The following GPHN variants were observed in gnomAD, a reference collection of about 807,000 sequenced individuals.
GPHN encodes the protein gephyrin.
GPHN carries 17 observed loss-of-function variants against 95.5 expected under a neutral mutation model. The ratio of observed to expected loss-of-function variants is 0.18; its 90% CI spans 0.12 to 0.27. The LOEUF is 0.27. Ranked by LOEUF, GPHN falls within the 10% of genes least tolerant of loss-of-function variation. The pLI, the probability that GPHN is intolerant of heterozygous loss-of-function variation, is 1.00. For missense variants in GPHN, 660 were observed against 978.1 expected, an observed-to-expected ratio of 0.67 and a Z score of 4.34; for synonymous variants, 320 against 322.5, an observed-to-expected ratio of 0.99 and a Z score of 0.08.
In GPHN at chr14:66,599,392, A is replaced by ATTTCTTTTT. The variant is rs1555357374; in HGVS notation, c.65-81712_65-81711insCTTTTTTTT. Among the ~76,000 whole-genome samples, 452 of 76,424 alleles carry ATTTCTTTTT rather than the reference A, an allele frequency of 5.9e-3. 12 individuals carry two copies. Among genetic ancestry groups the ATTTCTTTTT allele is most frequent in the African/African-American group, 0.031 (425 of 13,858 alleles). The allele number at this position is 76,424 out of a possible 152,430, so 50.1% of individuals were successfully genotyped here. A position where few individuals can be genotyped will look rare whatever the true frequency, so the allele number is the denominator to read the frequency against. ...TCTCTGATTTTACATTTTTTTTTGC[A>ATTTCTTTTT]TTTTTTTTTTTTTTTTGCTAGATGC... On this transcript the variant is annotated intron_variant, in intron 1 of 22. Transcript: ENST00000478722.
chr14:67,687,355 A>G, the GPHN span, among the ~76,000 whole-genome samples: 1 of 150,262 alleles, frequency 6.7e-6, no homozygotes, highest in Non-Finnish European at 1.5e-5. Flanking sequence ...GATCTTTATT[A>G]CTCTTGCTTT....
At chr14:67,203,113 C>T in the GPHN span, 3 of 1,613,268 alleles carry the variant, frequency 1.9e-6, no homozygotes, top group African/African-American at 2.7e-5. Flanking sequence ...AGAGGTGAAT[C>T]CATTTACCTT....
chr14:67,414,023 AGGACTTGAGAGGTTGAGCTG>A, the GPHN span, among the ~76,000 whole-genome samples: 5 of 152,252 alleles, frequency 3.3e-5, no homozygotes, highest in African/African-American at 1.2e-4. Context: ...GCTGAAAGCC[AGGACTTGAGAGGTTGAGCTG>A]GGAAGTTCTC....
At chr14:67,380,591 G>T in the GPHN span, 1 of 793,162 alleles carries the variant, frequency 1.3e-6, no homozygotes, top group Non-Finnish European at 1.9e-6. Context: ...TTGTTCCATA[G>T]TGTTTGGTTT....
chr14:66,940,482 TA>T (rs1306183534), intron 8 of GPHN, among the ~76,000 whole-genome samples: 1 of 152,188 alleles, frequency 6.6e-6, no homozygotes, highest in East Asian at 1.9e-4. Context: ...CCATAGGTTT[TA>T]AAGTGGCTTT....
At chr14:67,622,512 A>T in the GPHN span, among the ~76,000 whole-genome samples, 1 of 152,222 alleles carries the variant, frequency 6.6e-6, no homozygotes, top group South Asian at 2.1e-4. Context: ...AGTCATTTTA[A>T]TAACTCTCCA....
At chr14:67,655,611 G>A in the GPHN span, among the ~76,000 whole-genome samples, 1 of 151,670 alleles carries the variant, frequency 6.6e-6, no homozygotes, top group Non-Finnish European at 1.5e-5. Context: ...ATAAACTGTG[G>A]TACTATTTTA....
the GPHN span, among the ~76,000 whole-genome samples, chr14:67,642,788 A>ATTTTT: frequency 1.2e-4 from 4 of 33,730 alleles, no homozygotes; most frequent in Admixed American, 4.2e-4. Flanking sequence ...ATGTTACTAC[A>ATTTTT]TTTTCTTTTT....
the GPHN span, among the ~76,000 whole-genome samples, chr14:67,693,645 CTTTCTCT>C: frequency 6.7e-6 from 1 of 149,580 alleles, no homozygotes; most frequent in African/African-American, 2.5e-5. Context: ...CTTTCTTTCT[CTTTCTCT>C]TTTTTTTTTT....
At chr14:67,209,440 A>C in the GPHN span, among the ~76,000 whole-genome samples, 1 of 152,218 alleles carries the variant, frequency 6.6e-6, no homozygotes, top group Non-Finnish European at 1.5e-5. Flanking sequence ...AAGTTGATTG[A>C]TTGCATAACA....
the GPHN span, among the ~76,000 whole-genome samples, chr14:67,495,261 A>G: frequency 1.3e-5 from 2 of 151,880 alleles, no homozygotes; most frequent in African/African-American, 4.8e-5. Context: ...TCCTCTTCCA[A>G]TTTGGCCCTC....
intron 17 of GPHN, among the ~76,000 whole-genome samples, chr14:67,139,210 A>G (rs1405208870): frequency 2.6e-5 from 4 of 150,984 alleles, no homozygotes; most frequent in Non-Finnish European, 5.9e-5. Flanking sequence ...TCAACAAAGC[A>G]ATACTCCATC....
the GPHN span, among the ~76,000 whole-genome samples, chr14:67,233,492 A>C: frequency 6.6e-6 from 1 of 152,222 alleles, no homozygotes; most frequent in Admixed American, 6.5e-5. Context: ...TTCCGTGAGA[A>C]AGAAATTTGC....
At chr14:66,963,577 C>T (rs745528236) in intron 8 of GPHN, among the ~76,000 whole-genome samples, 29 of 151,852 alleles carry the variant, frequency 1.9e-4, no homozygotes, top group Non-Finnish European at 3.8e-4. Flanking sequence ...GGTATTTGAC[C>T]TTCTTTTAAA....
intron 9 of GPHN, among the ~76,000 whole-genome samples, chr14:66,981,981 T>A (rs1487363229): frequency 6.6e-6 from 1 of 152,174 alleles, no homozygotes; most frequent in African/African-American, 2.4e-5. Flanking sequence ...CTAAAACATT[T>A]TCACTAAACA....
the GPHN span, among the ~76,000 whole-genome samples, chr14:67,622,396 T>C: frequency 6.6e-6 from 1 of 152,198 alleles, no homozygotes; most frequent in Non-Finnish European, 1.5e-5. Flanking sequence ...TGAGTTGAGG[T>C]GTCCTTCATA....
chr14:67,102,799 G>C (rs2077788914), intron 13 of GPHN, among the ~76,000 whole-genome samples: 1 of 152,222 alleles, frequency 6.6e-6, no homozygotes, highest in Non-Finnish European at 1.5e-5. Context: ...CTAGAAACGA[G>C]TTGAGATATA....
At chr14:67,568,887 A>G in the GPHN span, 1 of 454,308 alleles carries the variant, frequency 2.2e-6, no homozygotes, top group Non-Finnish European at 4.0e-6. Context: ...ATTATATTCC[A>G]GGTGTTAAAT....
the GPHN span, among the ~76,000 whole-genome samples, chr14:67,212,648 T>TATATATATGTA: frequency 6.8e-6 from 1 of 146,270 alleles, no homozygotes; most frequent in African/African-American, 2.5e-5. Flanking sequence ...ATATTACATA[T>TATATATATGTA]ATATATAATA....
Sources: gnomAD v4.1 joint callset for allele counts (sites outside exome capture counted in the v4.1 genomes callset) on GRCh38, gnomAD v4.1.1 for gene constraint, MANE v1.5 for transcripts, NCBI Gene and HGNC (gene_info 2026-07-23, HGNC 2026-07-21) for gene names.